GNAO1: variants seen among roughly 807,000 people sequenced by gnomAD.
GNAO1 encodes the protein G protein subunit alpha o1.
For synonymous variants in GNAO1, 164 were observed against 180.7 expected (o/e 0.91, Z 0.74); for missense variants, 166 against 478.7 (o/e 0.35, Z 6.10).
intron 3 of GNAO1, among the ~76,000 whole-genome samples, chr16:56,310,220 C>A (rs146076940): frequency 8.0e-4 from 121 of 152,042 alleles, no homozygotes; most frequent in African/African-American, 2.7e-3. Flanking sequence ...CCTAGGTACT[C>A]GCAGGAGGCT....
At chr16:56,304,676 TA>T (rs1377455599) in intron 3 of GNAO1, among the ~76,000 whole-genome samples, 3 of 152,188 alleles carry the variant, frequency 2.0e-5, no homozygotes, top group African/African-American at 7.2e-5. Context: ...CCAAACCAGG[TA>T]ACTTCTTAGG....
At chr16:56,222,891 G>A (rs1352307003) in intron 2 of GNAO1, among the ~76,000 whole-genome samples, 2 of 152,106 alleles carry the variant, frequency 1.3e-5, no homozygotes, top group African/African-American at 4.8e-5. Context: ...CAGGCATGGT[G>A]CCTGATATCA....
At chr16:56,337,660 T>A (rs2037755801) in intron 6 of GNAO1, among the ~76,000 whole-genome samples, 3 of 152,232 alleles carry the variant, frequency 2.0e-5, no homozygotes. Context: ...AGTACCTGCC[T>A]GTGGGGGGCT....
chr16:56,272,158 A>C (rs1336196599), intron 2 of GNAO1, among the ~76,000 whole-genome samples: 1 of 152,062 alleles, frequency 6.6e-6, no homozygotes, highest in Admixed American at 6.5e-5. Flanking sequence ...AAATACAAAA[A>C]ATTAGCCAGG....
chr16:56,305,709 A>G (rs2037388116), intron 3 of GNAO1, among the ~76,000 whole-genome samples: 1 of 152,168 alleles, frequency 6.6e-6, no homozygotes, highest in Non-Finnish European at 1.5e-5. Flanking sequence ...TTTGTTTCCC[A>G]GGGCCGTCAT....
chr16:56,314,687 C>T (rs2037491241), intron 3 of GNAO1, among the ~76,000 whole-genome samples: 1 of 152,216 alleles, frequency 6.6e-6, no homozygotes, highest in Admixed American at 6.5e-5. Context: ...AAGGAGACCA[C>T]GATTGTATCT....
intron 2 of GNAO1, among the ~76,000 whole-genome samples, chr16:56,267,533 G>A (rs535806999): frequency 4.6e-4 from 70 of 152,238 alleles, no homozygotes; most frequent in African/African-American, 1.6e-3. Context: ...TCCAGGCACC[G>A]GTGCTGTTCT....
intron 3 of GNAO1, among the ~76,000 whole-genome samples, chr16:56,281,372 C>A (rs564750397): frequency 2.0e-4 from 30 of 152,270 alleles, no homozygotes; most frequent in Admixed American, 1.2e-3. Context: ...CACCCCACTC[C>A]CTTGAGCTGC....
intron 6 of GNAO1, among the ~76,000 whole-genome samples, chr16:56,349,995 G>A (rs1233815297): frequency 2.0e-5 from 3 of 152,230 alleles, no homozygotes; most frequent in African/African-American, 7.2e-5. Context: ...TGTCACCGCG[G>A]TGTCCCCTCA....
At chr16:56,294,343 A>G (rs868369337) in intron 3 of GNAO1, among the ~76,000 whole-genome samples, 12 of 141,736 alleles carry the variant, frequency 8.5e-5, no homozygotes, top group Non-Finnish European at 1.1e-4. Flanking sequence ...CTTTGCTTTA[A>G]AAAAAAAAAA....
chr16:56,200,078 A>C (rs2036269005), intron 2 of GNAO1, among the ~76,000 whole-genome samples: 1 of 152,198 alleles, frequency 6.6e-6, no homozygotes, highest in Non-Finnish European at 1.5e-5. Flanking sequence ...TTTCTGTAGA[A>C]TATTGTTACT....
intron 8 of GNAO1, chr16:56,355,449 C>T (rs1401374879): frequency 7.2e-5 from 11 of 152,520 alleles, no homozygotes; most frequent in African/African-American, 2.6e-4. Flanking sequence ...TTTCTGAGAA[C>T]AGGTGAATGG....
At chr16:56,302,028 A>G (rs2037350595) in intron 3 of GNAO1, 2 of 152,280 alleles carry the variant, frequency 1.3e-5, no homozygotes, top group Admixed American at 1.3e-4. Context: ...CCTGTGGGTC[A>G]TCCAGCAGCA....
At chr16:56,331,165 C>T (rs1413039322) in intron 4 of GNAO1, among the ~76,000 whole-genome samples, 2 of 152,228 alleles carry the variant, frequency 1.3e-5, no homozygotes, top group Non-Finnish European at 2.9e-5. Flanking sequence ...CACCAAAGCA[C>T]TTCTCTGCCC....
At chr16:56,289,047 G>GA (rs1289721987) in intron 3 of GNAO1, among the ~76,000 whole-genome samples, 1 of 151,908 alleles carries the variant, frequency 6.6e-6, no homozygotes, top group Admixed American at 6.6e-5. Context: ...GGGGGGAGCG[G>GA]AAAAAAGAGA....
chr16:56,305,793 G>A (rs1488206549), intron 3 of GNAO1, among the ~76,000 whole-genome samples: 5 of 152,134 alleles, frequency 3.3e-5, no homozygotes, highest in African/African-American at 1.2e-4. Context: ...TTCTTCTGAG[G>A]CCTCTGCTCC....
intron 2 of GNAO1, among the ~76,000 whole-genome samples, chr16:56,195,911 T>A (rs2036228175): frequency 6.6e-6 from 1 of 152,096 alleles, no homozygotes; most frequent in African/African-American, 2.4e-5. Context: ...GTAACTGAAG[T>A]GAAATAATAA....
chr16:56,282,919 C>G (rs1163938193), intron 3 of GNAO1, among the ~76,000 whole-genome samples: 5 of 150,944 alleles, frequency 3.3e-5, no homozygotes, highest in African/African-American at 1.2e-4. Context: ...ATGAGTCTCT[C>G]CAGGCCCCTC....
In GNAO1 at chr16:56,344,327, G is replaced by A. The variant is rs1322774692; in HGVS notation, c.724-7057G>A. ...CTGTCATCTTGGGTGGTGCAGGGGC[G>A]CAGATGGCCCTGCAGCAGGGTGCTG... On this transcript the variant is annotated intron_variant, in intron 6 of 8. Transcript: ENST00000262493. The A allele has an allele frequency of 2.9e-5, 32 of 1,093,500 alleles. No individual in the cohort carries two copies. The South Asian group carries it at 3.8e-4, about 13-fold the overall frequency. 67.7% of individuals were successfully genotyped at this position (1,093,500 alleles called of 1,614,324 possible).
Sources: allele counts gnomAD v4.1 joint callset (sites outside exome capture counted in the v4.1 genomes callset), GRCh38; gene constraint gnomAD v4.1.1; transcripts MANE v1.5; gene names NCBI Gene and HGNC (gene_info 2026-07-23, HGNC 2026-07-21).